ZCCHC2: variants seen among roughly 807,000 people sequenced by gnomAD.
The protein encoded by ZCCHC2 is zinc finger CCHC-type containing 2.
Under a neutral mutation model 103.6 loss-of-function variants are expected in ZCCHC2, and 39 were observed. The ratio of observed to expected loss-of-function variants is 0.38; its 90% CI spans 0.29 to 0.49. The LOEUF (loss-of-function observed/expected upper bound fraction) is 0.49, where lower values mean the gene tolerates loss of function less well. ZCCHC2 is among the 20% of genes least tolerant of loss of function. The pLI is 0.96. For missense variants in ZCCHC2, 1,483 were observed against 1,491.0 expected, an observed-to-expected ratio of 0.99 and a Z score of 0.09; for synonymous variants, 687 against 608.9, an observed-to-expected ratio of 1.13 and a Z score of -1.89.
Position 62,554,221 on chromosome 18 carries a change from C to T in ZCCHC2, c.1314-1982C>T, listed in dbSNP as rs531469431. 1.5e-4 allele frequency among the ~76,000 whole-genome samples: 23 copies of T among 152,192 alleles called. No individual in the cohort carries two copies. In the South Asian group the frequency reaches 4.6e-3, roughly 30 times the overall value. On this transcript the variant is annotated intron_variant, in intron 5 of 13. Coordinates refer to ENST00000269499, the MANE Select transcript of ZCCHC2 (RefSeq NM_017742.6). ...GTTTGTGGGTTTTAAATTAGTAGGT[C>T]ATCATTTGTGTCTCAGAAGTGTAGC...
chr18:62,543,685 T>G (rs1915296446), intron 3 of ZCCHC2, among the ~76,000 whole-genome samples: 1 of 152,224 alleles, frequency 6.6e-6, no homozygotes, highest in Non-Finnish European at 1.5e-5. Flanking sequence ...GAGATCCTTC[T>G]TGACACCCCA....
At position 62,572,211 on chromosome 18, in the gene ZCCHC2, C is replaced by T. The variant is rs534707395; in HGVS notation, c.1976-1846C>T. On this transcript the variant is annotated intron_variant, in intron 12 of 13. Coordinates refer to ENST00000269499, the MANE Select transcript of ZCCHC2 (RefSeq NM_017742.6). ...GATTATAAGCATGAGCCACTGCACC[C>T]AGCATTAAATGAGAGGATTTTTATG... Among the ~76,000 whole-genome samples, 9 of 152,306 alleles carry T rather than the reference C, an allele frequency of 5.9e-5. No homozygotes were observed. The South Asian group carries it at 1.9e-3, about 32-fold the overall frequency.
intron 6 of ZCCHC2, 45 bp downstream of exon 6, chr18:62,556,342 G>T: frequency 1.4e-6 from 2 of 1,425,020 alleles, no homozygotes; most frequent in Non-Finnish European, 1.9e-6. Context: ...TTCTTTGTTG[G>T]ATTTTATTGC....
chr18:62,536,951 G>A (rs1354582543), intron 1 of ZCCHC2, among the ~76,000 whole-genome samples: 1 of 152,166 alleles, frequency 6.6e-6, no homozygotes, highest in East Asian at 1.9e-4. Context: ...AATGTTTGTG[G>A]AGGCAGTGTG....
At position 62,571,079 on chromosome 18, in the gene ZCCHC2, G is replaced by C. The variant is rs1916581910; in HGVS notation, c.1975+848G>C. ...CCAGTTTTTCATTTTAAGTTTTCTG[G>C]TCAGCCTCTTGTCAGCCCCAGCTAG... On this transcript the variant is annotated intron_variant, in intron 12 of 13. Transcript: ENST00000269499. Among the ~76,000 whole-genome samples the C allele has an allele frequency of 2.0e-5, 3 of 152,174 alleles. No individual in the cohort carries two copies. In the South Asian group the frequency reaches 6.2e-4, roughly 31 times the overall value.
At chr18:62,557,384 CAT>C (rs1568550591) in intron 6 of ZCCHC2, among the ~76,000 whole-genome samples, 1 of 152,146 alleles carries the variant, frequency 6.6e-6, no homozygotes, top group African/African-American at 2.4e-5. Context: ...AAGAAAAACA[CAT>C]ATTTCCTCAA....
In ZCCHC2 at chr18:62,553,955, C is replaced by T. The variant is rs1284883352; in HGVS notation, c.1314-2248C>T. 2.6e-5 allele frequency among the ~76,000 whole-genome samples: 4 copies of T among 152,182 alleles called. No homozygotes were observed. In the East Asian group the frequency reaches 5.8e-4, roughly 22 times the overall value. On this transcript the variant is annotated intron_variant, in intron 5 of 13. Transcript: ENST00000269499. ...ATACTCAGATTTATTGATCTTTTCT[C>T]TTCTGGTTTCAGGGTTTTGTGTCAT...
At chr18:62,543,256 CCT>C (rs1915275776) in intron 3 of ZCCHC2, among the ~76,000 whole-genome samples, 2 of 152,078 alleles carry the variant, frequency 1.3e-5, no homozygotes, top group African/African-American at 2.4e-5. Context: ...TTTGGCTGTC[CCT>C]CTCTCATGGA....
chr18:62,578,851 C>G (rs1916961539), downstream of ZCCHC2, among the ~76,000 whole-genome samples: 1 of 152,192 alleles, frequency 6.6e-6, no homozygotes, highest in Admixed American at 6.5e-5. Flanking sequence ...CCTGCAACCT[C>G]TGCCTCCCTG....
chr18:62,560,342 CTT>C (rs146552163), intron 7 of ZCCHC2: 5 of 370,306 alleles, frequency 1.4e-5, no homozygotes, highest in Non-Finnish European at 2.4e-5. Context: ...CTCATATAGA[CTT>C]TCATAGTTTT....
chr18:62,537,351 T>C (rs1442454813), intron 1 of ZCCHC2, among the ~76,000 whole-genome samples: 1 of 152,146 alleles, frequency 6.6e-6, no homozygotes, highest in African/African-American at 2.4e-5. Flanking sequence ...AAAAATTCTT[T>C]TGTAGCGATA....
chr18:62,566,784 A>C (rs562233448), intron 11 of ZCCHC2, among the ~76,000 whole-genome samples: 2 of 152,326 alleles, frequency 1.3e-5, no homozygotes, highest in Admixed American at 1.3e-4. Context: ...TCATTTGTAA[A>C]ACAGGAGTAA....
At position 62,576,820 on chromosome 18, in the gene ZCCHC2, G is replaced by A. The variant is rs1030171342; in HGVS notation, c.*241G>A. ...ATGATACATGTAATTTAAACCTTCA[G>A]ACAAACTTAAATGTTGGTGCGTGCT... On this transcript the variant is annotated 3_prime_UTR_variant, in exon 14 of 14. Transcript: ENST00000269499. 3.0e-6 allele frequency: 1 copy of A among 337,048 alleles called. No homozygotes were observed. The highest frequency in any genetic ancestry group is 4.7e-5 in the South Asian group (1 of 21,090). The allele number at this position is 337,048 out of a possible 1,614,324, so 20.9% of individuals were successfully genotyped here.
At position 62,524,361 on chromosome 18, in the gene ZCCHC2, C is replaced by A; in HGVS notation, c.937C>A (p.Gln313Lys). 3 of 1,514,528 alleles carry A rather than the reference C, an allele frequency of 2.0e-6. No individual in the cohort carries two copies. Among genetic ancestry groups the A allele is most frequent in the Non-Finnish European group, 2.6e-6 (3 of 1,133,716 alleles). 93.8% of individuals were successfully genotyped at this position (1,514,528 alleles called of 1,614,324 possible). A position where few individuals can be genotyped will look rare whatever the true frequency, so the allele number is the denominator to read the frequency against. Residue 313 changes from glutamine (Q) to lysine (K), a missense_variant and splice_region_variant, in exon 1 of 14, where the codon CAG (glutamine) becomes AAG (lysine). Physicochemically the swap from Gln to Lys is moderately conservative, Grantham distance 53. Coordinates refer to ENST00000269499, the MANE Select transcript of ZCCHC2 (RefSeq NM_017742.6). ...GTGCAAGTTTGCCGGCCCCAGGGCC[C>A]AGGTAAGGCGCACGGAGCCTCCCTG... is the stretch of plus-strand genomic sequence containing the variant. The part of the protein sequence containing the change: ...EPCKFAGPRA[Q>K]NNSAHGDYMQ...
Position 62,574,300 on chromosome 18 carries a change from C to A in ZCCHC2, c.2219C>A (p.Pro740His). The A allele has an allele frequency of 6.2e-7, 1 of 1,613,998 alleles. No individual in the cohort carries two copies. The highest frequency in any genetic ancestry group is 2.2e-5 in the East Asian group (1 of 44,888). ...AAGTCTGAAGTTGTCGTTCCTGCAC[C>A]CAAACCCGCTGATGGCAAAACCATA... ...AQKSEVVVPA[P>H]KPADGKTIGM... The change falls in exon 13 of 14, where the codon CCC becomes CAC. Residue 740 changes from proline (P) to histidine (H), a missense_variant. Pro to His is a moderately conservative substitution (Grantham distance 77). Around this residue, in one of 3 missense-constraint regions of ZCCHC2, gnomAD observed 884 missense variants for 907.5 expected, o/e 0.97. Transcript: ENST00000269499.
intron 4 of ZCCHC2, among the ~76,000 whole-genome samples, chr18:62,548,626 T>G (rs1484939657): frequency 6.6e-6 from 1 of 152,210 alleles, no homozygotes; most frequent in African/African-American, 2.4e-5. Context: ...GGGATTTCTT[T>G]GTTTGGAAAA....
downstream of ZCCHC2, among the ~76,000 whole-genome samples, chr18:62,579,293 C>G (rs1439370838): frequency 2.0e-5 from 3 of 152,052 alleles, no homozygotes; most frequent in African/African-American, 7.2e-5. Context: ...TAGCCAGGCC[C>G]CTCTCTCAGT....
Position 62,523,376 on chromosome 18 carries a change from G to GGGGGGGGGCCGCC in ZCCHC2, c.-49_-48insGGGGGGGGCCGCC. ...GCCTCGGCCCGTGCTCCACCTCGCG[G>GGGGGGGGGCCGCC]CCCCTCCCGCCCGCCCCCGCTCGCA... On this transcript the variant is annotated 5_prime_UTR_variant, in exon 1 of 14. Coordinates refer to ENST00000269499, the MANE Select transcript of ZCCHC2 (RefSeq NM_017742.6). The GGGGGGGGGCCGCC allele has an allele frequency of 9.9e-7, 1 of 1,012,354 alleles. No homozygotes were observed. Among genetic ancestry groups the GGGGGGGGGCCGCC allele is most frequent in the Non-Finnish European group, 1.2e-6 (1 of 848,990 alleles). 62.7% of individuals were successfully genotyped at this position (1,012,354 alleles called of 1,614,324 possible). A position where few individuals can be genotyped will look rare whatever the true frequency, so the allele number is the denominator to read the frequency against.
intron 12 of ZCCHC2, among the ~76,000 whole-genome samples, chr18:62,572,283 A>G (rs1916626856): frequency 6.6e-6 from 1 of 152,282 alleles, no homozygotes; most frequent in East Asian, 1.9e-4. Flanking sequence ...TTGTACATTT[A>G]TGCTTGATTC....
Sources: allele counts gnomAD v4.1 joint callset (sites outside exome capture counted in the v4.1 genomes callset), GRCh38; gene constraint gnomAD v4.1.1; regional missense constraint gnomAD v4.1.1; transcripts MANE v1.5; gene names NCBI Gene and HGNC (gene_info 2026-07-23, HGNC 2026-07-21).